The following TTC7A variants were observed in gnomAD, a reference collection of about 807,000 sequenced individuals.
The protein encoded by TTC7A is tetratricopeptide repeat protein 7A.
In TTC7A, 110 loss-of-function variants were observed where a neutral mutation model predicts 103.7. That is an observed-to-expected ratio of 1.06 (90% CI 0.91 to 1.24). The LOEUF is 1.24. Ranked by LOEUF, TTC7A falls within the 50% of genes most tolerant of loss-of-function variation. The pLI, the probability that TTC7A is intolerant of heterozygous loss-of-function variation, is 0.00. For synonymous variants in TTC7A, 521 were observed against 467.9 expected (o/e 1.11, Z -1.47); for missense variants, 1,340 against 1,116.3 (o/e 1.20, Z -2.86).
intron 18 of TTC7A, among the ~76,000 whole-genome samples, chr2:47,053,545 TG>T (rs879428353): frequency 0.12 from 14,595 of 125,314 alleles, 821 homozygotes; most frequent in African/African-American, 0.18. Flanking sequence ...TTTGTTTGTT[TG>T]GTTGGTTGGT....
chr2:47,029,394 C>G lies in TTC7A; in HGVS notation c.1802+10C>G. The stretch of plus-strand genomic sequence containing the variant: ...ACCCTGAGAACTTCAAGTGAGTGCC[C>G]TGGGAACACTCTGGCAGTGGGGGAG... On this transcript the variant is annotated intron_variant, in intron 15 of 19. Transcript: ENST00000319190. 4 of 1,613,190 alleles carry G rather than the reference C, an allele frequency of 2.5e-6. No homozygotes were observed. Among genetic ancestry groups the G allele is most frequent in the Non-Finnish European group, 3.4e-6 (4 of 1,179,818 alleles).
intron 3 of TTC7A, among the ~76,000 whole-genome samples, chr2:46,961,196 G>A (rs906497580): frequency 2.0e-5 from 3 of 152,148 alleles, no homozygotes; most frequent in Non-Finnish European, 4.4e-5. Flanking sequence ...TCCAGGTGCA[G>A]GTGACAGATA....
chr2:46,963,136 A>G (rs1251541072), intron 3 of TTC7A, among the ~76,000 whole-genome samples: 3 of 152,120 alleles, frequency 2.0e-5, no homozygotes, highest in Non-Finnish European at 2.9e-5. Flanking sequence ...TTGCATGGGG[A>G]GGGATTCAGG....
chr2:47,056,719 G>C (rs763663762), intron 18 of TTC7A, among the ~76,000 whole-genome samples: 3 of 152,214 alleles, frequency 2.0e-5, no homozygotes, highest in Non-Finnish European at 4.4e-5. Context: ...CAGAGGAGAG[G>C]GGGTGGAGAG....
intron 1 of TTC7A, among the ~76,000 whole-genome samples, chr2:46,950,103 C>T (rs558577533): frequency 3.3e-5 from 5 of 152,176 alleles, no homozygotes; most frequent in Non-Finnish European, 7.3e-5. Flanking sequence ...GTCCCCGAGT[C>T]CTGGGAACTC....
At chr2:46,999,887 T>C in intron 8 of TTC7A, 1 of 985,306 alleles carries the variant, frequency 1.0e-6, no homozygotes, top group Non-Finnish European at 1.2e-6. Flanking sequence ...GAGAGTGGGG[T>C]GGATAGGTAA....
chr2:47,060,862 A>G lies in TTC7A; in HGVS notation c.2246A>G (p.Tyr749Cys), dbSNP rs200237098. 3.6e-4 allele frequency: 576 copies of G among 1,614,146 alleles called. 4 individuals carry two copies. The highest frequency in any genetic ancestry group is 3.3e-3 in the South Asian group (298 of 91,078). The change falls in exon 19 of 20, where the codon TAT becomes TGT. Residue 749 changes from tyrosine (Y) to cysteine (C), a missense_variant. Transcript: ENST00000319190. ...GLFPTSHSVL[Y>C]MRGRLAEVKG... is the part of the protein sequence containing the mutation. ...TTCCCCACTTCTCACTCAGTACTCT[A>G]TATGCGGGGCCGGCTGGCTGAGGTG...
At chr2:47,001,438 G>GTAGT (rs1332941012) in intron 8 of TTC7A, among the ~76,000 whole-genome samples, 1 of 152,206 alleles carries the variant, frequency 6.6e-6, no homozygotes, top group African/African-American at 2.4e-5. Context: ...CTTATGCAAG[G>GTAGT]TAGTTCATCT....
At chr2:46,961,585 A>AAATAAATAAATAAAT (rs1672377380) in intron 3 of TTC7A, among the ~76,000 whole-genome samples, 1 of 148,830 alleles carries the variant, frequency 6.7e-6, no homozygotes, top group Non-Finnish European at 1.5e-5. Context: ...TCAAATAAAT[A>AAATAAATAAATAAAT]AATAAATAAA....
intron 19 of TTC7A, among the ~76,000 whole-genome samples, chr2:47,065,164 G>C (rs1317807593): frequency 6.6e-6 from 1 of 152,220 alleles, no homozygotes; most frequent in Non-Finnish European, 1.5e-5. Context: ...GTGGGCGCCT[G>C]TAGTCCCAGC....
In TTC7A at chr2:46,981,150, TC is replaced by T. The variant is rs562681451; in HGVS notation, c.764+2250del. Among the ~76,000 whole-genome samples the T allele has an allele frequency of 8.7e-5, 13 of 150,206 alleles. No individual in the cohort carries two copies. In the East Asian group the frequency reaches 9.8e-4, roughly 11 times the overall value. ...GCCCTTGACAGAAAAAATTTGCTGA[TC>T]CCCCCCGCCACTTTAAATAATTACT... is the stretch of plus-strand genomic sequence containing the variant. On this transcript the variant is annotated intron_variant, in intron 5 of 19. Transcript: ENST00000319190.
intron 2 of TTC7A, among the ~76,000 whole-genome samples, chr2:46,923,632 C>A (rs1669226643): frequency 6.6e-6 from 1 of 152,180 alleles, no homozygotes; most frequent in Non-Finnish European, 1.5e-5. Context: ...TGGTTCATGC[C>A]TGTAATCCTA....
At chr2:46,945,193 A>G (rs957900863) in intron 1 of TTC7A, among the ~76,000 whole-genome samples, 5 of 152,176 alleles carry the variant, frequency 3.3e-5, no homozygotes, top group African/African-American at 1.2e-4. Flanking sequence ...CCCTGGGCTC[A>G]AGTGATCCTC....
intron 5 of TTC7A, among the ~76,000 whole-genome samples, chr2:46,988,764 C>T (rs759556139): frequency 5.9e-5 from 9 of 152,162 alleles, no homozygotes; most frequent in Non-Finnish European, 7.4e-5. Context: ...AAAATGTAAC[C>T]ATGCTGGGTC....
In TTC7A at chr2:46,972,782, G is replaced by A. The variant is rs543439107; in HGVS notation, c.518-2191G>A. ...GTGCATGTAAAATGCTGCATAACTC[G>A]AGCACCTACTATGTGAGGTGCTGTT... On this transcript the variant is annotated intron_variant, in intron 3 of 19. Transcript: ENST00000319190. Among the ~76,000 whole-genome samples the A allele has an allele frequency of 9.2e-5, 14 of 152,330 alleles. No homozygotes were observed. The South Asian group carries it at 2.7e-3, about 29-fold the overall frequency.
intron 2 of TTC7A, among the ~76,000 whole-genome samples, chr2:46,923,280 C>T (rs1246666314): frequency 6.6e-6 from 1 of 152,230 alleles, no homozygotes; most frequent in Non-Finnish European, 1.5e-5. Flanking sequence ...CCTCTCTCCT[C>T]CCTGGAGGTT....
At chr2:47,016,157 C>G (rs749956382) in intron 11 of TTC7A, among the ~76,000 whole-genome samples, 1 of 151,972 alleles carries the variant, frequency 6.6e-6, no homozygotes, top group Non-Finnish European at 1.5e-5. Context: ...GGACCAAATT[C>G]GAAACACTGG....
At chr2:46,919,664 C>CT (rs1668996840) in intron 2 of TTC7A, among the ~76,000 whole-genome samples, 1 of 152,230 alleles carries the variant, frequency 6.6e-6, no homozygotes, top group Non-Finnish European at 1.5e-5. Flanking sequence ...CAGTCTCTTG[C>CT]TGTTGGGCCC....
chr2:47,037,212 C>T (rs932511142), intron 15 of TTC7A, among the ~76,000 whole-genome samples: 3 of 152,128 alleles, frequency 2.0e-5, no homozygotes, highest in East Asian at 1.9e-4. Context: ...TTTCCCAATG[C>T]GTTGGATGTC....
Sources: gnomAD v4.1 joint callset for allele counts (sites outside exome capture counted in the v4.1 genomes callset) on GRCh38, gnomAD v4.1.1 for gene constraint, MANE v1.5 for transcripts, NCBI Gene and HGNC (gene_info 2026-07-23, HGNC 2026-07-21) for gene names.